The following SPNS2 variants were observed in gnomAD, a reference collection of about 807,000 sequenced individuals.
SPNS2 encodes sphingosine-1-phosphate transporter SPNS2.
A neutral mutation model predicts 57.6 loss-of-function variants in SPNS2; 37 were observed. The ratio of observed to expected loss-of-function variants is 0.64; its 90% confidence interval spans 0.49 to 0.85. The LOEUF is 0.85. Ranked by LOEUF, SPNS2 falls within the 40% of genes least tolerant of loss-of-function variation. The pLI is 0.00. For synonymous variants in SPNS2, 440 were observed against 346.9 expected (o/e 1.27, Z -2.98); for missense variants, 831 against 779.1 (o/e 1.07, Z -0.79).
In SPNS2 at chr17:4,530,738, G is replaced by C. The variant is rs769429663; in HGVS notation, c.680G>C (p.Arg227Pro). The change falls in exon 4 of 13, where the codon CGT (arginine) becomes CCT (proline). Residue 227 changes from arginine to proline, a missense_variant. Coordinates refer to ENST00000329078, the MANE Select transcript of SPNS2 (RefSeq NM_001124758.3). ...GGCGACCTCTTCACCAAGAACACGCGTACGCTCATGCTGTCCGTCTTCTAC... is the reference window on the plus strand; with the variant it reads ...GGCGACCTCTTCACCAAGAACACGCCTACGCTCATGCTGTCCGTCTTCTAC... The part of the protein sequence containing the change: ...IIGDLFTKNT[R>P]TLMLSVFYFA... 1.2e-6 allele frequency: 2 copies of C among 1,614,038 alleles called. No homozygotes were observed. Among genetic ancestry groups the C allele is most frequent in the South Asian group, 2.2e-5 (2 of 91,078 alleles).
At chr17:4,524,952 G>A in intron 2 of SPNS2, 105 bp from the exon 3 acceptor site, 1 of 1,502,316 alleles carries the variant, frequency 6.7e-7, no homozygotes. Flanking sequence ...CTGCTTCCTT[G>A]GTCCCTTTGC....
chr17:4,524,294 G>A (rs1905211939), intron 2 of SPNS2, among the ~76,000 whole-genome samples: 1 of 152,184 alleles, frequency 6.6e-6, no homozygotes, highest in African/African-American at 2.4e-5. Flanking sequence ...ACTGCCTGTG[G>A]GGTCTTGGCC....
At chr17:4,506,486 G>A (rs1297009235) in intron 1 of SPNS2, among the ~76,000 whole-genome samples, 1 of 152,206 alleles carries the variant, frequency 6.6e-6, no homozygotes, top group African/African-American at 2.4e-5. Context: ...AGCTGGGGAA[G>A]GAGTAGCCGT....
In SPNS2 at chr17:4,512,746, A is replaced by G. The variant is rs1427450841; in HGVS notation, c.371-501A>G. ...CGTGTGCAGGTGTGTGTGTGCATGT[A>G]CAGGTGTGTGCGTGTGTGTGCGAAT... On this transcript the variant is annotated intron_variant, in intron 1 of 12. Coordinates refer to ENST00000329078, the MANE Select transcript of SPNS2 (RefSeq NM_001124758.3). This position sits in a 1 kb window ranked among gnomAD's most constrained non-coding sequence, Gnocchi z 5.2. Among the ~76,000 whole-genome samples, 12 of 151,420 alleles carry G rather than the reference A, an allele frequency of 7.9e-5. No individual in the cohort carries two copies. The highest frequency in any genetic ancestry group is 1.2e-4 in the Non-Finnish European group (8 of 67,850).
chr17:4,529,680 G>GAA (rs71367830), intron 3 of SPNS2, among the ~76,000 whole-genome samples: 57 of 150,328 alleles, frequency 3.8e-4, no homozygotes, highest in Non-Finnish European at 1.8e-4. Context: ...GAAAAAAGAA[G>GAA]AAAAAAAAAG....
Position 4,536,432 on chromosome 17 carries a change from TG to T in SPNS2, c.1607+13del, listed in dbSNP as rs3053652. On this transcript the variant is annotated splice_region_variant and intron_variant, in intron 11 of 12. Transcript: ENST00000329078. ...CGCGCCAGGGCTGAGCAGCAGTGAG[TG>T]GGGGGGAGGGGAGGCCCTGCTGCAC... 16 of 1,578,578 alleles carry T rather than the reference TG, an allele frequency of 1.0e-5. No homozygotes were observed. Among genetic ancestry groups the T allele is most frequent in the East Asian group, 9.1e-5 (4 of 43,846 alleles).
intron 5 of SPNS2, among the ~76,000 whole-genome samples, chr17:4,531,921 T>C (rs758437792): frequency 6.6e-6 from 1 of 152,120 alleles, no homozygotes. Flanking sequence ...CTGTGGGGCC[T>C]GCATCGGGCC....
chr17:4,500,972 C>T (rs137890925), intron 1 of SPNS2, among the ~76,000 whole-genome samples: 5 of 152,294 alleles, frequency 3.3e-5, no homozygotes, highest in Admixed American at 6.5e-5. Context: ...GCCGCTGTCA[C>T]GCATGCACCA....
intron 4 of SPNS2, 48 bp downstream of exon 4, chr17:4,530,831 C>T: frequency 1.9e-6 from 3 of 1,586,704 alleles, no homozygotes; most frequent in Non-Finnish European, 2.6e-6. Context: ...GGGCAAGGTT[C>T]CCTTGGACTT....
intron 1 of SPNS2, among the ~76,000 whole-genome samples, chr17:4,506,245 G>A (rs2144308406): frequency 6.6e-6 from 1 of 152,322 alleles, no homozygotes; most frequent in Non-Finnish European, 1.5e-5. Flanking sequence ...GGCTACTGAA[G>A]TAGCACGTGG....
intron 8 of SPNS2, 165 bp from the exon 9 acceptor site, chr17:4,533,623 G>A (rs1020804478): frequency 4.0e-5 from 41 of 1,027,762 alleles, no homozygotes; most frequent in South Asian, 1.1e-4. Context: ...CCTCAGGGCC[G>A]TGGGCATGGC....
chr17:4,521,172 C>G (rs145599376), intron 2 of SPNS2, among the ~76,000 whole-genome samples: 7 of 152,290 alleles, frequency 4.6e-5, no homozygotes, highest in Non-Finnish European at 8.8e-5. Flanking sequence ...AACCTATGAA[C>G]AAGATCTGCC....
chr17:4,536,972 G>A (rs1389810686), intron 12 of SPNS2, 26 bp downstream of exon 12: 1 of 1,611,050 alleles, frequency 6.2e-7, no homozygotes, highest in Non-Finnish European at 8.5e-7. Context: ...GAGGCACGTG[G>A]GGGCTCCCTA....
Position 4,537,798 on chromosome 17 carries a change from C to T in SPNS2, c.*350C>T, listed in dbSNP as rs1463805556. ...TGATCTTGGGCAAGTCCCTGCCCTC[C>T]CTGGAACGAAGGGCCAGGGGGCTGG... On this transcript the variant is annotated 3_prime_UTR_variant, in exon 13 of 13. Coordinates refer to ENST00000329078, the MANE Select transcript of SPNS2 (RefSeq NM_001124758.3). 1 of 455,700 alleles carries T rather than the reference C, an allele frequency of 2.2e-6. No individual in the cohort carries two copies. Among genetic ancestry groups the T allele is most frequent in the African/African-American group, 2.0e-5 (1 of 50,066 alleles). 28.2% of individuals were successfully genotyped at this position (455,700 alleles called of 1,614,324 possible).
chr17:4,533,969 C>A, intron 9 of SPNS2, 116 bp downstream of exon 9: 6 of 1,009,298 alleles, frequency 5.9e-6, no homozygotes, highest in Non-Finnish European at 9.1e-6. Flanking sequence ...GGCAGGCCTG[C>A]CAGGAACGTG....
chr17:4,531,228 C>T, intron 5 of SPNS2, 109 bp downstream of exon 5: 4 of 996,868 alleles, frequency 4.0e-6, no homozygotes, highest in Non-Finnish European at 6.2e-6. Flanking sequence ...GATTCCTCCC[C>T]TGGCTGCGTG....
chr17:4,536,278 C>T lies in SPNS2; in HGVS notation c.1459C>T (p.Arg487Cys), dbSNP rs759860679. 123 of 1,612,254 alleles carry T rather than the reference C, an allele frequency of 7.6e-5. No individual in the cohort carries two copies. Among genetic ancestry groups the T allele is most frequent in the Admixed American group, 2.7e-4 (16 of 59,980 alleles). Residue 487 changes from arginine to cysteine, a missense_variant, in exon 11 of 13, where the codon CGC (arginine) becomes TGC (cysteine). Coordinates refer to ENST00000329078, the MANE Select transcript of SPNS2 (RefSeq NM_001124758.3). ...ATCCTCGCAGATCTCAGACCTGATCCGCCAGAGCACTAAGGACTCCCCGCT... is the reference window on the plus strand; with the variant it reads ...ATCCTCGCAGATCTCAGACCTGATCTGCCAGAGCACTAAGGACTCCCCGCT... ...YLIGFISDLIRQSTKDSPLWE... is the reference protein window; with the variant it reads ...YLIGFISDLICQSTKDSPLWE...
At chr17:4,527,915 G>A (rs542716700) in intron 3 of SPNS2, among the ~76,000 whole-genome samples, 4 of 147,094 alleles carry the variant, frequency 2.7e-5, no homozygotes, top group South Asian at 2.1e-4. Flanking sequence ...ACTCCAGCTT[G>A]TAGACACATG....
intron 12 of SPNS2, 137 bp downstream of exon 12, chr17:4,537,083 G>C: frequency 1.0e-6 from 1 of 959,832 alleles, no homozygotes; most frequent in Non-Finnish European, 1.6e-6. Flanking sequence ...TGTCTCTGAA[G>C]ATGTTGCCAG....
Sources: gnomAD v4.1 joint callset for allele counts (sites outside exome capture counted in the v4.1 genomes callset) on GRCh38, gnomAD v4.1.1 for gene constraint, Gnocchi (gnomAD v3.1) non-coding constraint, MANE v1.5 for transcripts, NCBI Gene and HGNC (gene_info 2026-07-23, HGNC 2026-07-21) for gene names.